VCPKMT: variants seen among roughly 807,000 people sequenced by gnomAD.
VCPKMT encodes valosin containing protein lysine methyltransferase, also known as protein N-lysine methyltransferase METTL21D.
Under a neutral mutation model 28.6 loss-of-function variants are expected in VCPKMT, and 32 were observed. The ratio of observed to expected loss-of-function variants is 1.12; its 90% CI spans 0.84 to 1.50. The LOEUF is 1.50. Ranked by LOEUF, VCPKMT falls within the 40% of genes most tolerant of loss-of-function variation. The pLI is 0.00. For missense variants in VCPKMT, 366 were observed against 285.0 expected, an observed-to-expected ratio of 1.28 and a Z score of -2.05; for synonymous variants, 138 against 111.4, an observed-to-expected ratio of 1.24 and a Z score of -1.50.
chr14:50,112,063 T>C (rs1019365315), intron 5 of VCPKMT: 1 of 985,004 alleles, frequency 1.0e-6, no homozygotes, highest in African/African-American at 1.7e-5. Flanking sequence ...TATGGACTCA[T>C]CTGCCTTGTT....
downstream of VCPKMT, among the ~76,000 whole-genome samples, chr14:50,107,301 G>A (rs17776393): frequency 7.0e-3 from 1,059 of 151,878 alleles, 7 homozygotes; most frequent in Middle Eastern, 0.014. Context: ...TCCAGAACAA[G>A]AAAGATATCC....
chr14:50,106,064 T>G (rs1051611167), downstream of VCPKMT, among the ~76,000 whole-genome samples: 2 of 152,194 alleles, frequency 1.3e-5, no homozygotes, highest in Non-Finnish European at 2.9e-5. Flanking sequence ...CTTTGCTCTC[T>G]TCTCCTTGGG....
chr14:50,104,351 G>T (rs1882253768), downstream of VCPKMT, among the ~76,000 whole-genome samples: 1 of 152,062 alleles, frequency 6.6e-6, no homozygotes, highest in South Asian at 2.1e-4. Context: ...ATATCTAATG[G>T]TTTAAACTTT....
chr14:50,112,156 A>G (rs866106696), intron 5 of VCPKMT: 1 of 727,310 alleles, frequency 1.4e-6, no homozygotes. Context: ...CACAGAGATA[A>G]AAGAAACTTA....
chr14:50,104,693 G>GGAAA (rs1555365546), downstream of VCPKMT, among the ~76,000 whole-genome samples: 1 of 87,274 alleles, frequency 1.1e-5, no homozygotes, highest in Non-Finnish European at 2.4e-5. Context: ...TTACTCTATT[G>GGAAA]AAAAAAAAAA....
chr14:50,114,287 C>A lies in VCPKMT; in HGVS notation c.568G>T (p.Glu190Ter). The change falls in exon 4 of 6, where the codon GAG becomes TAG. Residue 190 changes from glutamate (E) to a stop codon, truncating the protein, a stop_gained and splice_region_variant. Transcript: ENST00000395860. LOFTEE classifies it high-confidence loss of function. ...ATAATAGAGTACTTAATACTTACCTCAAAATATTTTTTCTCAATTTCTGGA... is the reference window on the plus strand; with the variant it reads ...ATAATAGAGTACTTAATACTTACCTAAAAATATTTTTTCTCAATTTCTGGA... ...KNPEIEKKYF[E>*]LLQLDFDFEK... is the part of the protein sequence containing the mutation. 6.3e-7 allele frequency: 1 copy of A among 1,582,686 alleles called. No homozygotes were observed.
downstream of VCPKMT, among the ~76,000 whole-genome samples, chr14:50,104,019 C>A (rs553494563): frequency 1.3e-5 from 2 of 152,202 alleles, no homozygotes; most frequent in South Asian, 4.2e-4. Flanking sequence ...TGATCTTTAC[C>A]TTACATATGA....
intron 4 of VCPKMT, among the ~76,000 whole-genome samples, chr14:50,113,038 G>A (rs367850968): frequency 6.6e-5 from 10 of 152,196 alleles, no homozygotes; most frequent in East Asian, 5.8e-4. Context: ...TGCCCATCTC[G>A]GCCTCCCAAA....
At chr14:50,112,817 C>CA in intron 4 of VCPKMT, 98 bp from the exon 5 acceptor site, 1 of 764,660 alleles carries the variant, frequency 1.3e-6, no homozygotes, top group Non-Finnish European at 2.0e-6. Context: ...TTGAGAGTCT[C>CA]ACTCTGTCAC....
chr14:50,115,669 T>G (rs1883104224), intron 3 of VCPKMT, among the ~76,000 whole-genome samples, 170 bp downstream of exon 3: 1 of 152,230 alleles, frequency 6.6e-6, no homozygotes, highest in Non-Finnish European at 1.5e-5. Context: ...ATGATAATGA[T>G]GAGCGTATAT....
chr14:50,109,985 C>T lies in VCPKMT; in HGVS notation c.676-272G>A, dbSNP rs143039268. The stretch of plus-strand genomic sequence containing the variant: ...CATAGGCCGGGTGTGGTGGCTCACA[C>T]CTGTAATCCCAGCACTTTGGGAGGC... On this transcript the variant is annotated intron_variant, in intron 5 of 5. Transcript: ENST00000395860. Among the ~76,000 whole-genome samples, 228 of 152,334 alleles carry T rather than the reference C, an allele frequency of 1.5e-3. 1 individual carries two copies. The highest frequency in any genetic ancestry group is 4.8e-3 in the African/African-American group (201 of 41,572).
downstream of VCPKMT, among the ~76,000 whole-genome samples, chr14:50,108,001 C>A (rs1019002625): frequency 2.6e-5 from 4 of 151,818 alleles, no homozygotes; most frequent in African/African-American, 4.8e-5. Flanking sequence ...CCAGTCTGGG[C>A]AACATGGTGA....
At chr14:50,105,937 T>G (rs1882305115), downstream of VCPKMT, among the ~76,000 whole-genome samples, 1 of 152,224 alleles carries the variant, frequency 6.6e-6, no homozygotes, top group East Asian at 1.9e-4. Context: ...CCTGTTTATT[T>G]TAAAACCTCC....
downstream of VCPKMT, among the ~76,000 whole-genome samples, chr14:50,104,773 G>A (rs1882266972): frequency 6.6e-6 from 1 of 151,546 alleles, no homozygotes; most frequent in Non-Finnish European, 1.5e-5. Context: ...TCATGATTAT[G>A]TGAAAGGTAC....
intron 4 of VCPKMT, 40 bp downstream of exon 4, chr14:50,114,245 G>C: frequency 2.1e-6 from 3 of 1,455,306 alleles, no homozygotes; most frequent in Non-Finnish European, 2.7e-6. Context: ...CCCCCCTGAA[G>C]GGAAATCACT....
In VCPKMT at chr14:50,116,274, C is replaced by T; in HGVS notation, c.266+13G>A. 2 of 1,605,338 alleles carry T rather than the reference C, an allele frequency of 1.2e-6. No homozygotes were observed. Among genetic ancestry groups the T allele is most frequent in the Non-Finnish European group, 1.7e-6 (2 of 1,175,980 alleles). The stretch of plus-strand genomic sequence containing the variant: ...AAGGCGCCCCCACATCCCGCCCGCC[C>T]GCCAGCTCTTACCCGAGGGTAGCAG... On this transcript the variant is annotated intron_variant, in intron 1 of 5. Transcript: ENST00000395860.
chr14:50,112,393 GAGAAAAAAAAAAAAAAAA>G (rs1443721729), intron 5 of VCPKMT, among the ~76,000 whole-genome samples: 3 of 56,416 alleles, frequency 5.3e-5, no homozygotes, highest in Non-Finnish European at 9.5e-5. Flanking sequence ...TAAAAAATAC[GAGAAAAAAAAAAAAAAAA>G]AAAAAAAAAG....
In VCPKMT at chr14:50,116,476, GT is replaced by G; in HGVS notation, c.76del (p.Thr26GlnfsTer41). 1 of 1,614,024 alleles carries G rather than the reference GT, an allele frequency of 6.2e-7. No individual in the cohort carries two copies. The highest frequency in any genetic ancestry group is 8.5e-7 in the Non-Finnish European group (1 of 1,179,960). ...GCTATACTGCTGTAGTCGTAGCACT[GT>G]ACCATCCCGCTTCTCCAAAACTCGC... is the stretch of plus-strand genomic sequence containing the variant. Reference protein sequence around the residue: ...FVRVLEKRDGTVLRLQQYSSG... With the variant: ...FVRVLEKRDGXVLRLQQYSSG... On this transcript the variant is annotated frameshift_variant, in exon 1 of 6. Coordinates refer to ENST00000395860, the MANE Select transcript of VCPKMT (RefSeq NM_024558.3). LOFTEE classifies it high-confidence loss of function.
At chr14:50,111,092 C>G (rs1882621011) in intron 5 of VCPKMT, 14 of 815,432 alleles carry the variant, frequency 1.7e-5, no homozygotes, top group Non-Finnish European at 2.1e-5. Flanking sequence ...TGTGAATATA[C>G]TAAAAACCAC....
Sources: allele counts gnomAD v4.1 joint callset (sites outside exome capture counted in the v4.1 genomes callset), GRCh38; gene constraint gnomAD v4.1.1; transcripts MANE v1.5; gene names NCBI Gene and HGNC (gene_info 2026-07-23, HGNC 2026-07-21).